The following CDH13 variants were observed in gnomAD, a reference collection of about 807,000 sequenced individuals.
The protein encoded by CDH13 is cadherin-13.
Under a neutral mutation model 63.8 loss-of-function variants are expected in CDH13, and 24 were observed. The ratio of observed to expected loss-of-function variants is 0.38; its 90% CI spans 0.27 to 0.53. The LOEUF (loss-of-function observed/expected upper bound fraction) is 0.53. Among genes scored for constraint, CDH13 ranks in the 20% least tolerant of loss-of-function variants. CDH13 has a pLI of 0.85. For missense variants in CDH13, 1,049 were observed against 903.1 expected (o/e 1.16, Z -2.07); for synonymous variants, 503 against 355.3 (o/e 1.42, Z -4.67).
In CDH13 at chr16:82,904,474, C is replaced by G. The variant is rs141782330; in HGVS notation, c.157+46001C>G. ...TGCTCTGAATCCTTTGTCTTCTCAC[C>G]CTTTGTGGCAAATTGAGACGGGGGA... On this transcript the variant is annotated intron_variant, in intron 2 of 13. Transcript: ENST00000567109. 1.4e-3 allele frequency among the ~76,000 whole-genome samples: 210 copies of G among 152,272 alleles called. 2 individuals are homozygous for G. The highest frequency in any genetic ancestry group is 2.7e-3 in the Non-Finnish European group (185 of 68,016).
At chr16:82,996,937 C>T (rs1452881459) in intron 2 of CDH13, among the ~76,000 whole-genome samples, 8 of 127,970 alleles carry the variant, frequency 6.3e-5, no homozygotes, top group African/African-American at 2.3e-4. Context: ...ATGATAATTA[C>T]GATGGTGTTG....
At chr16:83,056,177 CAT>C (rs1296746667) in intron 3 of CDH13, among the ~76,000 whole-genome samples, 4 of 152,108 alleles carry the variant, frequency 2.6e-5, no homozygotes, top group Admixed American at 6.5e-5. Context: ...ATTATACACA[CAT>C]GTGAAAATTA....
intron 7 of CDH13, among the ~76,000 whole-genome samples, chr16:83,560,899 G>GCA (rs1555573400): frequency 0.01 from 1,489 of 148,568 alleles, 23 homozygotes; most frequent in African/African-American, 0.034. Context: ...CATAAGGTTG[G>GCA]CCCCCCCCCC....
At chr16:83,730,685 A>T (rs1205269489) in intron 10 of CDH13, among the ~76,000 whole-genome samples, 1 of 152,000 alleles carries the variant, frequency 6.6e-6, no homozygotes, top group Non-Finnish European at 1.5e-5. Flanking sequence ...GAGCTTTTAG[A>T]TTCAGGGGGT....
chr16:83,767,634 G>T (rs1914484424), intron 11 of CDH13, among the ~76,000 whole-genome samples: 1 of 152,060 alleles, frequency 6.6e-6, no homozygotes, highest in Admixed American at 6.6e-5. Flanking sequence ...AAACAACATG[G>T]TCTATCCATA....
chr16:82,835,765 GTGA>G (rs909962044), intron 1 of CDH13, among the ~76,000 whole-genome samples: 1 of 152,194 alleles, frequency 6.6e-6, no homozygotes, highest in Non-Finnish European at 1.5e-5. Flanking sequence ...GTGCCCTGCT[GTGA>G]TGATCAATCC....
At chr16:83,066,981 C>G (rs1036196675) in intron 3 of CDH13, among the ~76,000 whole-genome samples, 2 of 152,158 alleles carry the variant, frequency 1.3e-5, no homozygotes, top group Admixed American at 1.3e-4. Flanking sequence ...GCAATTTTTC[C>G]TGCCTCTAGG....
intron 1 of CDH13, among the ~76,000 whole-genome samples, chr16:82,815,286 C>T (rs531509633): frequency 1.3e-5 from 2 of 152,276 alleles, no homozygotes; most frequent in South Asian, 4.1e-4. Flanking sequence ...CACAGCTCCA[C>T]CCATGACTAG....
intron 5 of CDH13, among the ~76,000 whole-genome samples, chr16:83,332,198 T>C (rs958538552): frequency 2.0e-5 from 3 of 152,120 alleles, no homozygotes; most frequent in African/African-American, 7.2e-5. Flanking sequence ...TCATATAATA[T>C]TTTAGTTGTT....
chr16:83,077,011 G>A (rs556111598), intron 3 of CDH13, among the ~76,000 whole-genome samples: 13 of 151,870 alleles, frequency 8.6e-5, no homozygotes, highest in Non-Finnish European at 1.3e-4. Context: ...GTTTCTTCAT[G>A]ACCTTCCTAG....
chr16:83,788,894 T>C (rs1916068381), intron 13 of CDH13, among the ~76,000 whole-genome samples: 1 of 150,866 alleles, frequency 6.6e-6, no homozygotes, highest in African/African-American at 2.5e-5. Context: ...GACACTCCAA[T>C]GGTTTGCTGT....
chr16:83,216,433 T>TAAAA (rs1482008559), intron 4 of CDH13, among the ~76,000 whole-genome samples: 2 of 115,430 alleles, frequency 1.7e-5, no homozygotes, highest in African/African-American at 6.6e-5. Context: ...TATATATATA[T>TAAAA]ATATATATAT....
intron 5 of CDH13, among the ~76,000 whole-genome samples, chr16:83,264,343 A>G (rs77424438): frequency 0.078 from 11,937 of 152,192 alleles, 520 homozygotes; most frequent in East Asian, 0.19. Context: ...ATTTTTATCA[A>G]TCTCTGACTT....
intron 2 of CDH13, chr16:82,884,137 A>G (rs1260150270): frequency 4.4e-6 from 2 of 454,238 alleles, no homozygotes; most frequent in East Asian, 6.9e-5. Context: ...GCATGTCTGC[A>G]TGCACGCTGT....
chr16:83,516,663 A>G (rs2074704951), intron 7 of CDH13, among the ~76,000 whole-genome samples: 1 of 152,204 alleles, frequency 6.6e-6, no homozygotes, highest in African/African-American at 2.4e-5. Context: ...CAATGATCAG[A>G]AGATAATTTG....
intron 2 of CDH13, among the ~76,000 whole-genome samples, chr16:82,873,558 G>A (rs974331485): frequency 5.9e-5 from 9 of 152,130 alleles, no homozygotes; most frequent in African/African-American, 2.2e-4. Flanking sequence ...CTCACAATGG[G>A]TGGTGTTTTT....
intron 4 of CDH13, among the ~76,000 whole-genome samples, chr16:83,176,189 C>G (rs1212172252): frequency 1.3e-5 from 2 of 150,866 alleles, no homozygotes; most frequent in South Asian, 2.2e-4. Flanking sequence ...AACACATTTC[C>G]AAGCCAAAAT....
intron 10 of CDH13, among the ~76,000 whole-genome samples, chr16:83,733,176 G>A (rs1201481057): frequency 6.6e-6 from 1 of 152,168 alleles, no homozygotes; most frequent in African/African-American, 2.4e-5. Context: ...AGTACACAGG[G>A]CTGGGAATGT....
chr16:82,672,039 C>T (rs1276825146), intron 1 of CDH13, among the ~76,000 whole-genome samples: 2 of 152,074 alleles, frequency 1.3e-5, no homozygotes, highest in East Asian at 1.9e-4. Flanking sequence ...GGGGCATTAG[C>T]TTCTCTTCTA....
Sources: allele counts gnomAD v4.1 joint callset (sites outside exome capture counted in the v4.1 genomes callset), GRCh38; gene constraint gnomAD v4.1.1; transcripts MANE v1.5; gene names NCBI Gene and HGNC (gene_info 2026-07-23, HGNC 2026-07-21).